PHLDB2: variants seen among roughly 807,000 people sequenced by gnomAD.
The protein encoded by PHLDB2 is pleckstrin homology-like domain family B member 2.
In PHLDB2, 71 loss-of-function variants were observed where a neutral mutation model predicts 123.6. The ratio of observed to expected loss-of-function variants is 0.57; its 90% CI spans 0.47 to 0.70. PHLDB2 has a LOEUF of 0.70. Among genes scored for constraint, PHLDB2 ranks in the 30% least tolerant of loss-of-function variants. The probability of loss-of-function intolerance (pLI) is 0.00; values close to 1 mark genes in which losing one functional copy is unlikely to be tolerated. For missense variants in PHLDB2, 1,446 were observed against 1,519.5 expected, an observed-to-expected ratio of 0.95 and a Z score of 0.80; for synonymous variants, 547 against 541.6, an observed-to-expected ratio of 1.01 and a Z score of -0.14.
intron 1 of PHLDB2, among the ~76,000 whole-genome samples, chr3:111,867,000 T>G (rs2065121594): frequency 6.7e-6 from 1 of 148,858 alleles, no homozygotes. Context: ...GAGGCTGGAA[T>G]TCTTGATATG....
chr3:111,844,192 T>G (rs1323958284), intron 1 of PHLDB2, among the ~76,000 whole-genome samples: 1 of 152,032 alleles, frequency 6.6e-6, no homozygotes, highest in Non-Finnish European at 1.5e-5. Context: ...CTTTAACATC[T>G]CTCTCAGCCT....
At chr3:111,849,580 T>C (rs994079975) in intron 2 of PHLDB2, among the ~76,000 whole-genome samples, 7 of 152,238 alleles carry the variant, frequency 4.6e-5, no homozygotes, top group African/African-American at 1.7e-4. Context: ...GAGCTTCTTT[T>C]GTTTTCCATT....
chr3:111,767,651 C>T (rs1255113765), intron 1 of PHLDB2, among the ~76,000 whole-genome samples: 1 of 152,174 alleles, frequency 6.6e-6, no homozygotes, highest in East Asian at 1.9e-4. Flanking sequence ...GTACTTAAAA[C>T]TGTACCTGGC....
intron 1 of PHLDB2, among the ~76,000 whole-genome samples, chr3:111,805,639 C>G (rs2061550100): frequency 6.7e-6 from 1 of 149,502 alleles, no homozygotes; most frequent in African/African-American, 2.5e-5. Context: ...GTGAAAGAAG[C>G]CAGACACAAA....
At chr3:111,966,287 C>T (rs2071748928) in intron 13 of PHLDB2, among the ~76,000 whole-genome samples, 1 of 152,066 alleles carries the variant, frequency 6.6e-6, no homozygotes, top group Admixed American at 6.6e-5. Flanking sequence ...ATTTAGAAGT[C>T]ACACTTTGTA....
intron 1 of PHLDB2, among the ~76,000 whole-genome samples, chr3:111,826,677 C>T (rs1239048191): frequency 6.6e-6 from 1 of 152,156 alleles, no homozygotes; most frequent in Non-Finnish European, 1.5e-5. Context: ...AGTAATGCCG[C>T]AGTTTTGCTC....
intron 16 of PHLDB2, among the ~76,000 whole-genome samples, chr3:111,970,661 C>A (rs2107690200): frequency 6.6e-6 from 1 of 152,126 alleles, no homozygotes; most frequent in Non-Finnish European, 1.5e-5. Context: ...TATTAAGAAC[C>A]TCTTATTTCC....
intron 1 of PHLDB2, among the ~76,000 whole-genome samples, chr3:111,782,253 A>T (rs1424532513): frequency 6.6e-6 from 1 of 152,118 alleles, no homozygotes; most frequent in African/African-American, 2.4e-5. Context: ...AACCTTAGTT[A>T]TACATGGAAC....
chr3:111,827,777 C>G (rs936096672), intron 1 of PHLDB2, among the ~76,000 whole-genome samples: 9 of 151,258 alleles, frequency 6.0e-5, no homozygotes, highest in African/African-American at 2.2e-4. Context: ...TGCTCACCCA[C>G]TTGTTCAACT....
chr3:111,806,645 C>T (rs1043516910), intron 1 of PHLDB2, among the ~76,000 whole-genome samples: 2 of 152,032 alleles, frequency 1.3e-5, no homozygotes, highest in Non-Finnish European at 2.9e-5. Flanking sequence ...GCCAGCACAC[C>T]TGGCTAATTT....
rs80163462 is a variant in PHLDB2 at position 111,944,249 on chromosome 3, G to A, written c.2398-1019G>A. 7.3e-3 allele frequency among the ~76,000 whole-genome samples: 1,108 copies of A among 152,294 alleles called. 16 individuals carry two copies. The highest frequency in any genetic ancestry group is 0.025 in the African/African-American group (1,038 of 41,556). The stretch of plus-strand genomic sequence containing the variant: ...TGCTCATAAGGGTGGAAGTTGACAG[G>A]TAGGGGCATGAGGAAATGATTGGGG... On this transcript the variant is annotated intron_variant, in intron 8 of 17. Transcript: ENST00000431670.
intron 1 of PHLDB2, 154 bp downstream of exon 1, chr3:111,859,730 C>A: frequency 1.0e-6 from 1 of 985,332 alleles, no homozygotes; most frequent in African/African-American, 1.7e-5. Flanking sequence ...CAGTGGCTGC[C>A]CGGGCCGAGG....
intron 1 of PHLDB2, among the ~76,000 whole-genome samples, chr3:111,843,310 G>A (rs530778631): frequency 3.9e-5 from 6 of 152,300 alleles, no homozygotes; most frequent in African/African-American, 1.2e-4. Flanking sequence ...GTATCATATT[G>A]TGGTATTGAT....
At chr3:111,895,328 G>A (rs1339291864) in intron 2 of PHLDB2, among the ~76,000 whole-genome samples, 1 of 152,130 alleles carries the variant, frequency 6.6e-6, no homozygotes, top group South Asian at 2.1e-4. Flanking sequence ...TCTTCACATG[G>A]TTCAGCTTTC....
chr3:111,937,379 A>G (rs1474976881), intron 6 of PHLDB2, among the ~76,000 whole-genome samples: 2 of 152,216 alleles, frequency 1.3e-5, no homozygotes, highest in Non-Finnish European at 2.9e-5. Flanking sequence ...TTGAAGAACA[A>G]CCAAAAAATG....
chr3:111,922,757 A>G (rs2068593930), intron 5 of PHLDB2, among the ~76,000 whole-genome samples: 1 of 152,204 alleles, frequency 6.6e-6, no homozygotes, highest in Non-Finnish European at 1.5e-5. Flanking sequence ...ATTTAATGAC[A>G]CAGCTATTTC....
chr3:111,859,437 G>T lies in PHLDB2; in HGVS notation c.-154G>T, dbSNP rs2064678974. On this transcript the variant is annotated 5_prime_UTR_variant, in exon 1 of 18. Coordinates refer to ENST00000431670, the MANE Select transcript of PHLDB2 (RefSeq NM_001134438.2). ...GCCCGCCGCGGTGGTTACAAAGGGG[G>T]TCAAGAGTGCCGGACCCAGCCGCGC... The T allele has an allele frequency of 1.0e-6, 1 of 985,498 alleles. No individual in the cohort carries two copies. Among genetic ancestry groups the T allele is most frequent in the Admixed American group, 6.1e-5 (1 of 16,272 alleles). The allele number at this position is 985,498 out of a possible 1,614,324, so 61.0% of individuals were successfully genotyped here.
intron 1 of PHLDB2, among the ~76,000 whole-genome samples, chr3:111,779,521 G>A (rs2060330894): frequency 1.3e-5 from 2 of 151,958 alleles, no homozygotes; most frequent in Non-Finnish European, 2.9e-5. Context: ...TCTGCATTCT[G>A]TTTCTCCTGT....
intron 4 of PHLDB2, 48 bp from the exon 5 acceptor site, chr3:111,920,234 A>G: frequency 6.3e-7 from 1 of 1,587,634 alleles, no homozygotes; most frequent in Non-Finnish European, 8.6e-7. Context: ...GTCAGTTGAG[A>G]ATATCCCCAA....
Sources: gnomAD v4.1 joint callset for allele counts (sites outside exome capture counted in the v4.1 genomes callset) on GRCh38, gnomAD v4.1.1 for gene constraint, MANE v1.5 for transcripts, NCBI Gene and HGNC (gene_info 2026-07-23, HGNC 2026-07-21) for gene names.